HTR2C: variants seen among roughly 807,000 people sequenced by gnomAD.
The protein encoded by HTR2C is 5-hydroxytryptamine receptor 2C, also known as 5-hydroxytryptamine (serotonin) receptor 2C, G protein-coupled.
Under a neutral mutation model 21.0 loss-of-function variants are expected in HTR2C, and 5 were observed. The observed-to-expected ratio is 0.24, with a 90% CI of 0.12 to 0.50. The LOEUF (loss-of-function observed/expected upper bound fraction) is 0.50, where lower values mean the gene tolerates loss of function less well. Ranked by LOEUF, HTR2C falls within the 20% of genes least tolerant of loss-of-function variation. HTR2C has a pLI of 0.98. For missense variants in HTR2C, 271 were observed against 371.2 expected (o/e 0.73, Z 2.22); for synonymous variants, 150 against 145.3 (o/e 1.03, Z -0.23).
At chrX:114,872,772 T>C (rs2071102279) in intron 5 of HTR2C, among the ~76,000 whole-genome samples, 1 of 111,258 alleles carries the variant, frequency 9.0e-6, no homozygotes. Flanking sequence ...CTCTGCTGTC[T>C]AGTTGGTTTA....
intron 4 of HTR2C, among the ~76,000 whole-genome samples, chrX:114,765,650 A>G (rs2069940569): frequency 9.0e-6 from 1 of 111,534 alleles, no homozygotes; most frequent in African/African-American, 3.3e-5. Context: ...ATGTCTTGAT[A>G]TGGCTCTAGA....
intron 4 of HTR2C, among the ~76,000 whole-genome samples, chrX:114,829,865 T>A (rs1556459976): frequency 9.0e-6 from 1 of 111,668 alleles, no homozygotes; most frequent in South Asian, 3.7e-4. Context: ...ACCACATTGT[T>A]TGATTATAAT....
At chrX:114,605,235 T>G (rs1341351952) in intron 1 of HTR2C, among the ~76,000 whole-genome samples, 3 of 112,426 alleles carry the variant, frequency 2.7e-5, no homozygotes, top group Non-Finnish European at 5.6e-5. Flanking sequence ...GGGGGAGGGC[T>G]AGTCATGGAA....
At chrX:114,843,011 A>G (rs927430640) in intron 4 of HTR2C, among the ~76,000 whole-genome samples, 17 of 112,196 alleles carry the variant, frequency 1.5e-4, no homozygotes, top group African/African-American at 4.9e-4. Flanking sequence ...AATCTGATTT[A>G]CAGATCTGCC....
intron 4 of HTR2C, among the ~76,000 whole-genome samples, chrX:114,846,525 A>G (rs1460889990): frequency 8.9e-6 from 1 of 112,257 alleles, no homozygotes; most frequent in Non-Finnish European, 1.9e-5. Context: ...TAATCAATGT[A>G]ATGTATCACA....
chrX:114,867,700 G>A, intron 5 of HTR2C, among the ~76,000 whole-genome samples: 1 of 111,866 alleles, frequency 8.9e-6, no homozygotes, highest in Middle Eastern at 4.6e-3. Context: ...ATAGACAGGG[G>A]TCTAGTTCTA....
chrX:114,747,738 T>G (rs1556426608), intron 4 of HTR2C, among the ~76,000 whole-genome samples: 2 of 112,786 alleles, frequency 1.8e-5, no homozygotes, highest in African/African-American at 6.4e-5. Context: ...TAAACTGTCC[T>G]ATAGAGAGGC....
intron 5 of HTR2C, among the ~76,000 whole-genome samples, chrX:114,861,878 T>C (rs193189776): frequency 8.9e-6 from 1 of 111,906 alleles, no homozygotes; most frequent in East Asian, 2.8e-4. Flanking sequence ...ATTTTGGATA[T>C]TAACCCTTTA....
chrX:114,713,379 A>G (rs1404006206), intron 2 of HTR2C, among the ~76,000 whole-genome samples: 1 of 111,833 alleles, frequency 8.9e-6, no homozygotes, highest in Non-Finnish European at 1.9e-5. Context: ...TTTTATTTAT[A>G]GTCTCAGAAA....
chrX:114,614,759 C>A (rs1193404875), intron 2 of HTR2C, among the ~76,000 whole-genome samples: 1 of 111,564 alleles, frequency 9.0e-6, no homozygotes, highest in African/African-American at 3.3e-5. Context: ...CTGAAAAACG[C>A]AGATCCAGAT....
At chrX:114,640,810 T>A (rs1930066791) in intron 2 of HTR2C, among the ~76,000 whole-genome samples, 1 of 111,140 alleles carries the variant, frequency 9.0e-6, no homozygotes, top group Non-Finnish European at 1.9e-5. Flanking sequence ...CTTTCTATCT[T>A]ATGGATTTGT....
In HTR2C at chrX:114,907,016, A is replaced by G; in HGVS notation, c.978A>G (p.Pro326=). The change falls in exon 6 of 6, where the codon CCA becomes CCG. Residue 326 remains proline, a synonymous_variant. Coordinates refer to ENST00000276198, the MANE Select transcript of HTR2C (RefSeq NM_000868.4). ...VFFVFLIMWC[P]FFITNILSVL... ...TTGTGTTTCTGATCATGTGGTGCCCATTTTTCATTACCAATATTCTGTCTG... is the reference window on the plus strand; with the variant it reads ...TTGTGTTTCTGATCATGTGGTGCCCGTTTTTCATTACCAATATTCTGTCTG... 11 of 1,210,741 alleles carry G rather than the reference A, an allele frequency of 9.1e-6. No homozygotes were observed. The highest frequency in any genetic ancestry group is 1.8e-5 in the South Asian group (1 of 56,966).
At chrX:114,845,838 C>A (rs2070869605) in intron 4 of HTR2C, among the ~76,000 whole-genome samples, 1 of 107,551 alleles carries the variant, frequency 9.3e-6, no homozygotes, top group Admixed American at 1.0e-4. Flanking sequence ...GGTGAAAACC[C>A]ATCTCTACAA....
chrX:114,856,525 G>A (rs1300689176), intron 5 of HTR2C, among the ~76,000 whole-genome samples: 1 of 103,726 alleles, frequency 9.6e-6, no homozygotes, highest in Non-Finnish European at 2.0e-5. Context: ...TCAATCCTAA[G>A]CCAAAAGAAC....
At chrX:114,621,541 T>C (rs1929164075) in intron 2 of HTR2C, among the ~76,000 whole-genome samples, 1 of 112,199 alleles carries the variant, frequency 8.9e-6, no homozygotes, top group African/African-American at 3.2e-5. Flanking sequence ...AACAGTCTGT[T>C]GTTGCCAACC....
intron 2 of HTR2C, among the ~76,000 whole-genome samples, chrX:114,621,902 G>A (rs868962378): frequency 9.0e-6 from 1 of 111,505 alleles, no homozygotes; most frequent in African/African-American, 3.3e-5. Context: ...AGTGGGGGAT[G>A]CTATTAAGTT....
At chrX:114,712,016 T>C (rs1382822744) in intron 2 of HTR2C, among the ~76,000 whole-genome samples, 4 of 111,950 alleles carry the variant, frequency 3.6e-5, no homozygotes, top group Non-Finnish European at 5.7e-5. Flanking sequence ...TTTGTGACAG[T>C]TTTTAAAATG....
intron 4 of HTR2C, among the ~76,000 whole-genome samples, chrX:114,752,090 A>G (rs1369576085): frequency 8.9e-6 from 1 of 112,289 alleles, no homozygotes; most frequent in African/African-American, 3.2e-5. Context: ...AAGTGAGCAT[A>G]CACCATTAAA....
chrX:114,590,930 G>A (rs150536612), intron 1 of HTR2C, among the ~76,000 whole-genome samples: 1,153 of 111,671 alleles, frequency 0.01, 5 homozygotes, highest in Middle Eastern at 0.032. Flanking sequence ...TCAGAAAGAA[G>A]CGCAAGTTTT....
Sources: allele counts gnomAD v4.1 joint callset (sites outside exome capture counted in the v4.1 genomes callset), GRCh38; gene constraint gnomAD v4.1.1; transcripts MANE v1.5; gene names NCBI Gene and HGNC (gene_info 2026-07-23, HGNC 2026-07-21).